The following MYO5C variants were observed in gnomAD, a reference collection of about 807,000 sequenced individuals.
MYO5C encodes the protein unconventional myosin-Vc.
In MYO5C, 194 loss-of-function variants were observed where a neutral mutation model predicts 235.7. The ratio of observed to expected loss-of-function variants is 0.82; its 90% CI spans 0.73 to 0.93. MYO5C has a LOEUF of 0.93. Among genes scored for constraint, MYO5C ranks in the 40% least tolerant of loss-of-function variants. The pLI, the probability that MYO5C is intolerant of heterozygous loss-of-function variation, is 0.00. For missense variants in MYO5C, 2,038 were observed against 2,127.2 expected, an observed-to-expected ratio of 0.96 and a Z score of 0.82; for synonymous variants, 707 against 754.8, an observed-to-expected ratio of 0.94 and a Z score of 1.04.
chr15:52,251,849 G>A (rs2036480131), intron 12 of MYO5C, among the ~76,000 whole-genome samples: 1 of 151,962 alleles, frequency 6.6e-6, no homozygotes, highest in Non-Finnish European at 1.5e-5. Context: ...ATTTTTAGTA[G>A]AGACGGGGTT....
intron 25 of MYO5C, among the ~76,000 whole-genome samples, chr15:52,227,781 G>C (rs750240932): frequency 3.9e-5 from 6 of 152,184 alleles, no homozygotes; most frequent in Non-Finnish European, 8.8e-5. Flanking sequence ...GCCCAGAAAA[G>C]ACAGACACTT....
chr15:52,283,442 G>A (rs568198752), intron 1 of MYO5C, among the ~76,000 whole-genome samples: 2 of 152,282 alleles, frequency 1.3e-5, no homozygotes, highest in South Asian at 4.1e-4. Flanking sequence ...TCCCACAGTG[G>A]GAAATGCAGA....
chr15:52,195,273 G>A, intron 40 of MYO5C, 104 bp downstream of exon 40: 1 of 777,538 alleles, frequency 1.3e-6, no homozygotes, highest in African/African-American at 1.8e-5. Flanking sequence ...GTATATGTGG[G>A]TAAATGTACT....
intron 1 of MYO5C, among the ~76,000 whole-genome samples, chr15:52,288,776 C>T (rs1000794129): frequency 6.6e-6 from 1 of 152,232 alleles, no homozygotes; most frequent in African/African-American, 2.4e-5. Flanking sequence ...AACAGCTCGC[C>T]AAGCCCTTCA....
chr15:52,245,300 G>T, intron 18 of MYO5C, 54 bp downstream of exon 18: 1 of 1,145,972 alleles, frequency 8.7e-7, no homozygotes, highest in Non-Finnish European at 1.3e-6. Flanking sequence ...CAGCATGTTT[G>T]GGAGATGTGC....
intron 16 of MYO5C, among the ~76,000 whole-genome samples, chr15:52,246,259 A>G (rs1215732326): frequency 6.6e-6 from 1 of 152,220 alleles, no homozygotes; most frequent in Non-Finnish European, 1.5e-5. Context: ...ACTCTGATGG[A>G]GGTGGCATTG....
intron 38 of MYO5C, among the ~76,000 whole-genome samples, chr15:52,204,608 T>G (rs1015711027): frequency 1.3e-5 from 2 of 152,036 alleles, no homozygotes; most frequent in Non-Finnish European, 2.9e-5. Flanking sequence ...AGGGCCAGAA[T>G]TTAAGATGAA....
chr15:52,211,986 A>G, intron 34 of MYO5C, 102 bp from the exon 35 acceptor site: 1 of 1,204,520 alleles, frequency 8.3e-7, no homozygotes, highest in Non-Finnish European at 1.2e-6. Context: ...TCTGTGCTTG[A>G]CACAGTGCCT....
At chr15:52,255,720 C>T (rs1407532469) in intron 11 of MYO5C, among the ~76,000 whole-genome samples, 1 of 152,154 alleles carries the variant, frequency 6.6e-6, no homozygotes, top group East Asian at 1.9e-4. Flanking sequence ...AAATTGTATT[C>T]AATACACATA....
intron 8 of MYO5C, among the ~76,000 whole-genome samples, chr15:52,267,347 CGAGTTGTCATGAAA>C (rs2036834410): frequency 6.6e-6 from 1 of 152,152 alleles, no homozygotes; most frequent in Non-Finnish European, 1.5e-5. Context: ...TGCTTCCTCA[CGAGTTGTCATGAAA>C]GATAAGGTGC....
chr15:52,224,130 A>G (rs888225108), intron 28 of MYO5C, among the ~76,000 whole-genome samples: 2 of 152,120 alleles, frequency 1.3e-5, no homozygotes, highest in Admixed American at 6.6e-5. Context: ...TAAAAATACA[A>G]AAATTAGCCA....
chr15:52,245,483 A>G lies in MYO5C; in HGVS notation c.2067-18T>C. On this transcript the variant is annotated intron_variant, in intron 17 of 40. Coordinates refer to ENST00000261839, the MANE Select transcript of MYO5C (RefSeq NM_018728.4). The stretch of plus-strand genomic sequence containing the variant: ...ATGTCCACCTGGAAAATCAAAGGGG[A>G]TCAAAGCCAGGAGTGTCAGAGGAAG... 6.4e-7 allele frequency: 1 copy of G among 1,573,642 alleles called. No individual in the cohort carries two copies. Among genetic ancestry groups the G allele is most frequent in the Non-Finnish European group, 8.7e-7 (1 of 1,143,210 alleles).
intron 31 of MYO5C, among the ~76,000 whole-genome samples, chr15:52,219,459 C>T (rs908488695): frequency 7.9e-5 from 12 of 152,162 alleles, no homozygotes; most frequent in Non-Finnish European, 1.8e-4. Flanking sequence ...CAAAAGTGTA[C>T]GCATACAGTG....
chr15:52,284,536 G>C (rs2037222812), intron 1 of MYO5C, among the ~76,000 whole-genome samples: 1 of 152,080 alleles, frequency 6.6e-6, no homozygotes, highest in Non-Finnish European at 1.5e-5. Flanking sequence ...GTTACATAGG[G>C]GCTAAGCACT....
At chr15:52,238,394 A>C (rs961335158) in intron 21 of MYO5C, among the ~76,000 whole-genome samples, 1 of 152,196 alleles carries the variant, frequency 6.6e-6, no homozygotes, top group Non-Finnish European at 1.5e-5. Context: ...TGTAGCATGC[A>C]GGCTTGTTAC....
intron 2 of MYO5C, among the ~76,000 whole-genome samples, chr15:52,281,165 G>A (rs2037155598): frequency 6.6e-6 from 1 of 152,216 alleles, no homozygotes; most frequent in Non-Finnish European, 1.5e-5. Context: ...TGTGTGTTAT[G>A]TGTGAAAGCA....
rs58175480 is a variant in MYO5C at position 52,249,970 on chromosome 15, T to G, written c.1663-1187A>C. On this transcript the variant is annotated intron_variant, in intron 13 of 40. Transcript: ENST00000261839. ...CCAGCCCAAACGCTGCCTAGTTCTT[T>G]TAAGGGAGACTTCTTGGAAGTGGCA... Among the ~76,000 whole-genome samples, 239 of 152,302 alleles carry G rather than the reference T, an allele frequency of 1.6e-3. 1 individual carries two copies. Among genetic ancestry groups the G allele is most frequent in the African/African-American group, 5.7e-3 (236 of 41,574 alleles).
intron 32 of MYO5C, among the ~76,000 whole-genome samples, chr15:52,218,282 G>A (rs1259521566): frequency 1.3e-5 from 2 of 152,090 alleles, no homozygotes; most frequent in Non-Finnish European, 2.9e-5. Context: ...GGGGAACTAC[G>A]GCCTGCACCT....
chr15:52,272,459 A>G (rs2036944449), intron 6 of MYO5C, 121 bp downstream of exon 6: 1 of 950,820 alleles, frequency 1.1e-6, no homozygotes, highest in Non-Finnish European at 1.5e-6. Flanking sequence ...ACTGCAAATG[A>G]AAGACAAGAA....
Sources: allele counts gnomAD v4.1 joint callset (sites outside exome capture counted in the v4.1 genomes callset), GRCh38; gene constraint gnomAD v4.1.1; transcripts MANE v1.5; gene names NCBI Gene and HGNC (gene_info 2026-07-23, HGNC 2026-07-21).